ARGLU1: variants seen among roughly 807,000 people sequenced by gnomAD.
ARGLU1 encodes the protein arginine and glutamate-rich protein 1.
Under a neutral mutation model 37.6 loss-of-function variants are expected in ARGLU1, and 9 were observed. That is an observed-to-expected ratio of 0.24 (90% CI 0.14 to 0.42). ARGLU1 has a LOEUF of 0.42. Ranked by LOEUF, ARGLU1 falls within the 10% of genes least tolerant of loss-of-function variation. The pLI is 1.00. For missense variants in ARGLU1, 211 were observed against 359.2 expected, an observed-to-expected ratio of 0.59 and a Z score of 3.34; for synonymous variants, 166 against 138.5, an observed-to-expected ratio of 1.20 and a Z score of -1.39.
intron 3 of ARGLU1, among the ~76,000 whole-genome samples, chr13:106,550,109 G>A (rs959996920): frequency 3.3e-5 from 5 of 152,166 alleles, no homozygotes; most frequent in Admixed American, 2.6e-4. Context: ...CCTGGCATGA[G>A]TTTATTAGGA....
At chr13:106,564,842 T>C (rs1880916870) in intron 1 of ARGLU1, among the ~76,000 whole-genome samples, 1 of 152,196 alleles carries the variant, frequency 6.6e-6, no homozygotes, top group Admixed American at 6.5e-5. Flanking sequence ...CCCTCTCCCT[T>C]ATCCACTATT....
chr13:106,567,959 C>T lies in ARGLU1; in HGVS notation c.-40G>A, dbSNP rs763591381. The T allele has an allele frequency of 6.4e-7, 1 of 1,555,080 alleles. No homozygotes were observed. The highest frequency in any genetic ancestry group is 1.2e-5 in the South Asian group (1 of 83,972). On this transcript the variant is annotated 5_prime_UTR_variant, in exon 1 of 4. Transcript: ENST00000400198. This position sits in a 1 kb window ranked among gnomAD's most constrained non-coding sequence, Gnocchi z 4.3. ...CTCTAACCGCTCGCCTCAGGCCCCTCACGCGGCCAGTTCCCCTCGCCTCCG... is the reference window on the plus strand; with the variant it reads ...CTCTAACCGCTCGCCTCAGGCCCCTTACGCGGCCAGTTCCCCTCGCCTCCG...
chr13:106,555,963 C>T (rs1594191740), intron 3 of ARGLU1, among the ~76,000 whole-genome samples: 2 of 152,172 alleles, frequency 1.3e-5, no homozygotes, highest in East Asian at 3.9e-4. Flanking sequence ...ATCCATGCCT[C>T]ACAAACCAGA....
intron 1 of ARGLU1, 128 bp from the exon 2 acceptor site, chr13:106,559,785 TC>T: frequency 1.0e-6 from 1 of 1,003,524 alleles, no homozygotes; most frequent in Non-Finnish European, 1.4e-6. Flanking sequence ...AGAATTCATT[TC>T]CATGTCACAT....
intron 1 of ARGLU1, among the ~76,000 whole-genome samples, chr13:106,565,153 G>T (rs1470503773): frequency 3.9e-5 from 6 of 152,074 alleles, no homozygotes; most frequent in Non-Finnish European, 7.4e-5. Flanking sequence ...CCGTTTCTAG[G>T]ATGCAATCCA....
chr13:106,558,988 A>G (rs1483093479), intron 2 of ARGLU1: 1 of 985,334 alleles, frequency 1.0e-6, no homozygotes, highest in Non-Finnish European at 1.2e-6. Flanking sequence ...CTATCACTCA[A>G]TGTTAGGCCC....
In ARGLU1 at chr13:106,567,913, G is replaced by T. The variant is rs1436236593; in HGVS notation, c.7C>A (p.Arg3=). 2 of 1,607,276 alleles carry T rather than the reference G, an allele frequency of 1.2e-6. No homozygotes were observed. Among genetic ancestry groups the T allele is most frequent in the Non-Finnish European group, 1.7e-6 (2 of 1,179,182 alleles). The change falls in exon 1 of 4, where the codon CGG becomes AGG. Residue 3 remains arginine (R), a synonymous_variant. Coordinates refer to ENST00000400198, the MANE Select transcript of ARGLU1 (RefSeq NM_018011.4). This position sits in a 1 kb window ranked among gnomAD's most constrained non-coding sequence, Gnocchi z 4.3. ...CGGGACGAGCTCCGGCTCCGAGACC[G>T]GCCCATCCTTCCGGGAGACGCTCTA... MG[R]SRSRSSSRSK... is the part of the protein sequence containing the mutation.
In ARGLU1 at chr13:106,541,680, A is replaced by G. The variant is rs974624116; in HGVS notation, c.*2316T>C. On this transcript the variant is annotated 3_prime_UTR_variant, in exon 4 of 4. Coordinates refer to ENST00000400198, the MANE Select transcript of ARGLU1 (RefSeq NM_018011.4). ...AGAGTCCTCACACCAAGCTAATTTA[A>G]AGGTTTAGTTTATACAATTGATAAT... is the stretch of plus-strand genomic sequence containing the variant. The G allele has an allele frequency of 6.6e-6, 1 of 152,144 alleles. No homozygotes were observed. The highest frequency in any genetic ancestry group is 1.9e-4 in the East Asian group (1 of 5,196). 9.4% of individuals were successfully genotyped at this position (152,144 alleles called of 1,614,324 possible).
chr13:106,559,234 A>G (rs762540826), intron 2 of ARGLU1, 198 bp downstream of exon 2: 9 of 1,526,398 alleles, frequency 5.9e-6, no homozygotes, highest in Non-Finnish European at 7.9e-6. Context: ...ATGTTTTATA[A>G]AAGCTTCCAA....
At chr13:106,550,418 T>A (rs1880504777) in intron 3 of ARGLU1, among the ~76,000 whole-genome samples, 1 of 152,222 alleles carries the variant, frequency 6.6e-6, no homozygotes, top group African/African-American at 2.4e-5. Flanking sequence ...GCTTTTTATC[T>A]TAACAATCAG....
intron 1 of ARGLU1, among the ~76,000 whole-genome samples, chr13:106,563,003 A>C (rs1328681874): frequency 2.3e-4 from 28 of 122,180 alleles, no homozygotes; most frequent in African/African-American, 8.7e-4. Flanking sequence ...AAAAAAAAAA[A>C]AAAAACAAAA....
intron 3 of ARGLU1, among the ~76,000 whole-genome samples, chr13:106,555,755 G>A (rs1013924316): frequency 2.6e-5 from 4 of 152,098 alleles, no homozygotes; most frequent in East Asian, 1.9e-4. Flanking sequence ...AGGCCAAGCC[G>A]TCCCTAGCTA....
chr13:106,551,425 G>T (rs1465041257), intron 3 of ARGLU1, among the ~76,000 whole-genome samples: 1 of 152,098 alleles, frequency 6.6e-6, no homozygotes, highest in Non-Finnish European at 1.5e-5. Context: ...CAGTTTATAT[G>T]TTCCTAATTT....
At position 106,555,827 on chromosome 13, in the gene ARGLU1, T is replaced by C. The variant is rs142948327; in HGVS notation, c.657+1221A>G. Among the ~76,000 whole-genome samples the C allele has an allele frequency of 9.5e-4, 144 of 152,298 alleles. 1 individual carries two copies. Among genetic ancestry groups the C allele is most frequent in the East Asian group, 7.2e-3 (37 of 5,174 alleles). On this transcript the variant is annotated intron_variant, in intron 3 of 3. Coordinates refer to ENST00000400198, the MANE Select transcript of ARGLU1 (RefSeq NM_018011.4). The stretch of plus-strand genomic sequence containing the variant: ...ACACCAAGCTTCCAGGCCACCCACA[T>C]AATGAACCCACCACAGCTATCCAAT...
At chr13:106,559,211 A>T (rs1412450553) in intron 2 of ARGLU1, 32 of 1,504,338 alleles carry the variant, frequency 2.1e-5, no homozygotes, top group Non-Finnish European at 2.8e-5. Flanking sequence ...TAAATCAAAA[A>T]GTATCCTTGA....
Position 106,567,496 on chromosome 13 carries a change from G to A in ARGLU1, c.347+77C>T. The A allele has an allele frequency of 1.8e-6, 2 of 1,092,404 alleles. No individual in the cohort carries two copies. Among genetic ancestry groups the A allele is most frequent in the Non-Finnish European group, 2.7e-6 (2 of 736,228 alleles). The allele number at this position is 1,092,404 out of a possible 1,614,324, so 67.7% of individuals were successfully genotyped here. On this transcript the variant is annotated intron_variant, in intron 1 of 3. Transcript: ENST00000400198. The surrounding 1 kb of genome is among the most constrained non-coding windows in gnomAD (Gnocchi z 4.3). Reference sequence around the variant, plus strand: ...CCCCGCCATTCTCCCGGCCCGCACCGTCCCGCCCCGGCCCCACGCCCTCGC... The same window carrying A: ...CCCCGCCATTCTCCCGGCCCGCACCATCCCGCCCCGGCCCCACGCCCTCGC...
intron 1 of ARGLU1, among the ~76,000 whole-genome samples, chr13:106,560,704 A>C (rs531039145): frequency 3.1e-4 from 47 of 152,338 alleles, no homozygotes; most frequent in African/African-American, 1.0e-3. Flanking sequence ...ATTTGTGCTG[A>C]ATGAATAAAT....
intron 3 of ARGLU1, among the ~76,000 whole-genome samples, chr13:106,553,229 A>AT (rs1291871586): frequency 6.6e-6 from 1 of 152,218 alleles, no homozygotes; most frequent in African/African-American, 2.4e-5. Context: ...GTCTCTTAAA[A>AT]TGTGCAAGTA....
Position 106,557,231 on chromosome 13 carries a change from C to T in ARGLU1, c.574-100G>A. 1 of 1,060,500 alleles carries T rather than the reference C, an allele frequency of 9.4e-7. No homozygotes were observed. The highest frequency in any genetic ancestry group is 1.4e-6 in the Non-Finnish European group (1 of 714,950). 65.7% of individuals were successfully genotyped at this position (1,060,500 alleles called of 1,614,324 possible). A position where few individuals can be genotyped will look rare whatever the true frequency, so the allele number is the denominator to read the frequency against. ...CTCTGAACTTTTTTGATATGACTTA[C>T]AGGGTAGCTTTATAGCTACCTTCTG... is the stretch of plus-strand genomic sequence containing the variant. On this transcript the variant is annotated intron_variant, in intron 2 of 3. Transcript: ENST00000400198. This position sits in a 1 kb window ranked among gnomAD's most constrained non-coding sequence, Gnocchi z 5.0.
Sources: gnomAD v4.1 joint callset for allele counts (sites outside exome capture counted in the v4.1 genomes callset) on GRCh38, gnomAD v4.1.1 for gene constraint, Gnocchi (gnomAD v3.1) non-coding constraint, MANE v1.5 for transcripts, NCBI Gene and HGNC (gene_info 2026-07-23, HGNC 2026-07-21) for gene names.